The following NFIB variants were observed in gnomAD, a reference collection of about 807,000 sequenced individuals.
NFIB encodes nuclear factor 1 B-type.
Under a neutral mutation model 61.5 loss-of-function variants are expected in NFIB, and 11 were observed. The observed-to-expected ratio is 0.18, with a 90% confidence interval of 0.11 to 0.30. The LOEUF (loss-of-function observed/expected upper bound fraction) is 0.30. Among genes scored for constraint, NFIB ranks in the 10% least tolerant of loss-of-function variants. The pLI, the probability that NFIB is intolerant of heterozygous loss-of-function variation, is 1.00. For missense variants in NFIB, 471 were observed against 608.9 expected (o/e 0.77, Z 2.38); for synonymous variants, 260 against 216.5 (o/e 1.20, Z -1.76).
intron 3 of NFIB, among the ~76,000 whole-genome samples, chr9:14,160,831 C>CAAAAAAAAAAAAAAAAAAAAAAAAAA (rs36063048): frequency 2.1e-5 from 2 of 96,330 alleles, no homozygotes; most frequent in African/African-American, 4.1e-5. Context: ...AAGGAAATCT[C>CAAAAAAAAAAAAAAAAAAAAAAAAAA]AAAAAAAAAA....
intron 3 of NFIB, among the ~76,000 whole-genome samples, chr9:14,178,923 G>C (rs1403158377): frequency 6.6e-6 from 1 of 152,044 alleles, no homozygotes; most frequent in African/African-American, 2.4e-5. Context: ...TTGGGGAGGT[G>C]GGGGGCATGT....
intron 2 of NFIB, among the ~76,000 whole-genome samples, chr9:14,300,012 G>A (rs546082138): frequency 1.3e-5 from 2 of 152,228 alleles, no homozygotes; most frequent in African/African-American, 4.8e-5. Flanking sequence ...TCTAATACAA[G>A]CTAATCCCAC....
chr9:14,522,149 G>A, the NFIB span, among the ~76,000 whole-genome samples: 6 of 152,294 alleles, frequency 3.9e-5, no homozygotes, highest in South Asian at 1.2e-3. Flanking sequence ...ATAATTACAA[G>A]CTACTGTTTG....
chr9:14,212,901 T>C (rs978879059), intron 2 of NFIB, among the ~76,000 whole-genome samples: 2 of 152,200 alleles, frequency 1.3e-5, no homozygotes, highest in African/African-American at 4.8e-5. Flanking sequence ...CCCAAGGTCA[T>C]AGCCCTAGTA....
chr9:14,455,914 A>G, the NFIB span, among the ~76,000 whole-genome samples: 1 of 152,186 alleles, frequency 6.6e-6, no homozygotes, highest in Non-Finnish European at 1.5e-5. Context: ...GATCAATGGG[A>G]GAGTTTTGAA....
chr9:14,362,974 A>C (rs1435252672), intron 1 of NFIB: 4 of 152,174 alleles, frequency 2.6e-5, no homozygotes, highest in Non-Finnish European at 5.9e-5. Flanking sequence ...AATGAAGCTT[A>C]GCTTAAGGGC....
chr9:14,439,347 G>T, the NFIB span, among the ~76,000 whole-genome samples: 2 of 152,194 alleles, frequency 1.3e-5, no homozygotes, highest in Admixed American at 6.5e-5. Flanking sequence ...TCCAGCCTGG[G>T]TGACAGAACG....
chr9:14,162,938 G>C (rs1433970865), intron 3 of NFIB, among the ~76,000 whole-genome samples: 1 of 151,928 alleles, frequency 6.6e-6, no homozygotes, highest in Non-Finnish European at 1.5e-5. Flanking sequence ...GATGTGGAAG[G>C]TATGCCTCTC....
the NFIB span, among the ~76,000 whole-genome samples, chr9:14,529,197 G>A: frequency 6.6e-6 from 1 of 152,154 alleles, no homozygotes; most frequent in African/African-American, 2.4e-5. Context: ...GAAAACAGAT[G>A]TAGAATTGGA....
intron 1 of NFIB, chr9:14,321,867 G>A (rs2060669518): frequency 8.1e-7 from 1 of 1,230,002 alleles, no homozygotes; most frequent in African/African-American, 1.6e-5. Context: ...AAGAAAAACT[G>A]TGCCAGGGAT....
At chr9:14,504,094 T>C in the NFIB span, among the ~76,000 whole-genome samples, 2 of 152,300 alleles carry the variant, frequency 1.3e-5, no homozygotes, top group African/African-American at 4.8e-5. Flanking sequence ...CCACTTTATG[T>C]TTTTGTTTGC....
intron 1 of NFIB, among the ~76,000 whole-genome samples, chr9:14,310,238 T>C (rs970589029): frequency 2.0e-5 from 3 of 152,254 alleles, no homozygotes; most frequent in African/African-American, 7.2e-5. Context: ...GCTGCCAATA[T>C]TGTTTTAAAA....
At chr9:14,407,437 T>C in the NFIB span, among the ~76,000 whole-genome samples, 1 of 152,274 alleles carries the variant, frequency 6.6e-6, no homozygotes, top group South Asian at 2.1e-4. Flanking sequence ...AGAGAAAGTC[T>C]GTGGTGTTAC....
At chr9:14,409,964 T>G in the NFIB span, among the ~76,000 whole-genome samples, 2 of 152,308 alleles carry the variant, frequency 1.3e-5, no homozygotes, top group East Asian at 1.9e-4. Flanking sequence ...GAAACACAGA[T>G]AAGTTTATCA....
At chr9:14,113,297 C>T (rs1005051093) in intron 9 of NFIB, among the ~76,000 whole-genome samples, 8 of 152,042 alleles carry the variant, frequency 5.3e-5, no homozygotes, top group Admixed American at 5.2e-4. Context: ...AAAATCTATC[C>T]AGTAAAGCAG....
the NFIB span, among the ~76,000 whole-genome samples, chr9:14,515,252 G>C: frequency 6.6e-6 from 1 of 152,140 alleles, no homozygotes; most frequent in Non-Finnish European, 1.5e-5. Flanking sequence ...CAGGGAATCA[G>C]ATGGAGGAAG....
At chr9:14,250,780 T>C (rs376477108) in intron 2 of NFIB, among the ~76,000 whole-genome samples, 1 of 152,236 alleles carries the variant, frequency 6.6e-6, no homozygotes, top group African/African-American at 2.4e-5. Context: ...GAATAAAAGT[T>C]ACTAAGGTAT....
At chr9:14,224,465 C>T (rs2052104764) in intron 2 of NFIB, among the ~76,000 whole-genome samples, 1 of 152,350 alleles carries the variant, frequency 6.6e-6, no homozygotes, top group South Asian at 2.1e-4. Context: ...GATGTACATA[C>T]ACATGGGCTC....
At chr9:14,444,721 A>G in the NFIB span, among the ~76,000 whole-genome samples, 2 of 152,224 alleles carry the variant, frequency 1.3e-5, no homozygotes, top group African/African-American at 4.8e-5. Context: ...CTTTTAAAAA[A>G]TTGTGAAATA....
Sources: allele counts gnomAD v4.1 joint callset (sites outside exome capture counted in the v4.1 genomes callset), GRCh38; gene constraint gnomAD v4.1.1; transcripts MANE v1.5; gene names NCBI Gene and HGNC (gene_info 2026-07-23, HGNC 2026-07-21).